The following MRPS9 variants were observed in gnomAD, a reference collection of about 807,000 sequenced individuals.
MRPS9 encodes the protein small ribosomal subunit protein uS9m.
MRPS9 carries 45 observed loss-of-function variants against 59.9 expected under a neutral mutation model. That is an observed-to-expected ratio of 0.75 (90% CI 0.59 to 0.96). The LOEUF (loss-of-function observed/expected upper bound fraction) is 0.96, where lower values mean the gene tolerates loss of function less well. MRPS9 is among the 40% of genes least tolerant of loss of function. The pLI is 0.00. For synonymous variants in MRPS9, 171 were observed against 166.8 expected (o/e 1.03, Z -0.19); for missense variants, 473 against 481.1 (o/e 0.98, Z 0.16).
intron 2 of MRPS9, among the ~76,000 whole-genome samples, chr2:105,066,058 C>T (rs1452547218): frequency 6.6e-6 from 1 of 152,184 alleles, no homozygotes; most frequent in East Asian, 1.9e-4. Context: ...AAACAGATGG[C>T]AGACAGCGTG....
At chr2:105,091,016 T>C (rs1385407017) in intron 7 of MRPS9, among the ~76,000 whole-genome samples, 1 of 152,192 alleles carries the variant, frequency 6.6e-6, no homozygotes, top group Non-Finnish European at 1.5e-5. Flanking sequence ...AACTGAAAAA[T>C]CTCTTTGCTT....
In MRPS9 at chr2:105,089,944, G is replaced by A. The variant is rs1432499245; in HGVS notation, c.600G>A (p.Leu200=). 7.5e-6 allele frequency: 12 copies of A among 1,610,120 alleles called. No individual in the cohort carries two copies. Among genetic ancestry groups the A allele is most frequent in the Non-Finnish European group, 1.0e-5 (12 of 1,177,438 alleles). ...GAGACGTGATTGGCAGCAGATGGCT[G>A]ATTAAGGAGGAACTAGAAGAAATGT... The part of the protein sequence containing the change: ...VTRDVIGSRW[L]IKEELEEMLV... The change falls in exon 7 of 11, where the codon CTG becomes CTA. Residue 200 remains leucine (L), a synonymous_variant. Transcript: ENST00000258455.
chr2:105,089,784 G>A (rs1234954115), intron 6 of MRPS9, 136 bp from the exon 7 acceptor site: 7 of 516,928 alleles, frequency 1.4e-5, no homozygotes, highest in Middle Eastern at 1.0e-3. Context: ...AAATAGCTTA[G>A]TTGGGTAAAA....
intron 10 of MRPS9, 50 bp downstream of exon 10, chr2:105,097,374 G>GTA: frequency 7.0e-7 from 1 of 1,425,078 alleles, no homozygotes. Flanking sequence ...GGCTATACAT[G>GTA]TTCATCTGCT....
chr2:105,060,530 C>T (rs1679881225), intron 2 of MRPS9, among the ~76,000 whole-genome samples: 2 of 152,138 alleles, frequency 1.3e-5, no homozygotes, highest in Non-Finnish European at 2.9e-5. Flanking sequence ...ATCTGCCCAC[C>T]TTGGCCTCCC....
At chr2:105,041,178 T>C (rs1212065406) in intron 1 of MRPS9, among the ~76,000 whole-genome samples, 1 of 152,204 alleles carries the variant, frequency 6.6e-6, no homozygotes, top group Non-Finnish European at 1.5e-5. Flanking sequence ...TTTCCTTCCA[T>C]GCTGTACTAC....
At chr2:105,071,586 T>C in intron 4 of MRPS9, 97 bp downstream of exon 4, 1 of 1,185,468 alleles carries the variant, frequency 8.4e-7, no homozygotes. Context: ...TAGGGTGGCC[T>C]TCCTGTGTCA....
rs138912744 is a variant in MRPS9 at position 105,057,483 on chromosome 2, A to G, written c.315+8133A>G. ...GAGTCTTGTTGTTTAGTGTAAAGAA[A>G]ATTTGGTGTGTATGGAAACTGAAGA... On this transcript the variant is annotated intron_variant, in intron 2 of 10. Coordinates refer to ENST00000258455, the MANE Select transcript of MRPS9 (RefSeq NM_182640.3). Among the ~76,000 whole-genome samples, 4 of 152,268 alleles carry G rather than the reference A, an allele frequency of 2.6e-5. No individual in the cohort carries two copies. In the East Asian group the frequency reaches 7.7e-4, roughly 29 times the overall value.
intron 5 of MRPS9, among the ~76,000 whole-genome samples, chr2:105,084,019 A>G (rs1241290743): frequency 3.3e-5 from 5 of 152,096 alleles, no homozygotes; most frequent in African/African-American, 1.2e-4. Context: ...TTTACGACTG[A>G]TATCAGCCCC....
At chr2:105,084,037 T>A (rs1176589076) in intron 5 of MRPS9, among the ~76,000 whole-genome samples, 3 of 152,100 alleles carry the variant, frequency 2.0e-5, no homozygotes, top group African/African-American at 7.2e-5. Flanking sequence ...CCCAATACCC[T>A]AAGCATTTAT....
chr2:105,090,142 A>C, intron 7 of MRPS9, 147 bp downstream of exon 7: 1 of 484,598 alleles, frequency 2.1e-6, no homozygotes. Context: ...AAAACAAAAC[A>C]AAACAAAAAA....
Position 105,097,194 on chromosome 2 carries a change from G to A in MRPS9, c.969G>A (p.Leu323=), listed in dbSNP as rs200534814. Reference sequence around the variant, plus strand: ...TCCCTTTCCACTTTGTTGACCGGCTGGGAAAGCACGACGTGACCTGCACAG... The same window carrying A: ...TCCCTTTCCACTTTGTTGACCGGCTAGGAAAGCACGACGTGACCTGCACAG... ...LMFPFHFVDR[L]GKHDVTCTVS... is the part of the protein sequence containing the mutation. Residue 323 remains leucine, a synonymous_variant, in exon 10 of 11, where the codon CTG becomes CTA. Coordinates refer to ENST00000258455, the MANE Select transcript of MRPS9 (RefSeq NM_182640.3). 1.7e-4 allele frequency: 269 copies of A among 1,601,128 alleles called. No individual in the cohort carries two copies. The highest frequency in any genetic ancestry group is 1.9e-4 in the Non-Finnish European group (224 of 1,174,348).
intron 5 of MRPS9, among the ~76,000 whole-genome samples, chr2:105,087,321 G>A (rs542103763): frequency 6.6e-6 from 1 of 152,234 alleles, no homozygotes; most frequent in East Asian, 1.9e-4. Context: ...ATGAATACTA[G>A]GATGAAATTA....
chr2:105,057,774 T>G (rs1284467958), intron 2 of MRPS9, among the ~76,000 whole-genome samples: 1 of 152,216 alleles, frequency 6.6e-6, no homozygotes, highest in African/African-American at 2.4e-5. Context: ...CCACTGATAT[T>G]TGCATTTTCC....
intron 9 of MRPS9, among the ~76,000 whole-genome samples, chr2:105,095,730 C>T (rs927720692): frequency 6.6e-6 from 1 of 152,042 alleles, no homozygotes; most frequent in African/African-American, 2.4e-5. Context: ...CTCCCGACCT[C>T]AGGTGATCTG....
intron 9 of MRPS9, among the ~76,000 whole-genome samples, chr2:105,094,252 T>C (rs1573450289): frequency 6.6e-6 from 1 of 152,208 alleles, no homozygotes; most frequent in African/African-American, 2.4e-5. Flanking sequence ...GTGCTAAATA[T>C]GGCAGTTTTA....
chr2:105,040,065 C>T (rs1404873278), intron 1 of MRPS9, among the ~76,000 whole-genome samples: 1 of 152,210 alleles, frequency 6.6e-6, no homozygotes, highest in Non-Finnish European at 1.5e-5. Context: ...ATATATTTTA[C>T]CACATTAAGT....
chr2:105,041,550 A>G (rs1253679082), intron 1 of MRPS9, among the ~76,000 whole-genome samples: 3 of 149,396 alleles, frequency 2.0e-5, no homozygotes, highest in Non-Finnish European at 3.0e-5. Flanking sequence ...TTAATCTCTC[A>G]TGCTTCTGGA....
intron 7 of MRPS9, chr2:105,091,456 C>G (rs563866223): frequency 1.2e-4 from 53 of 460,498 alleles, no homozygotes; most frequent in South Asian, 7.9e-4. Flanking sequence ...TTCACCCTTA[C>G]TAGAAGAGTG....
Sources: gnomAD v4.1 joint callset for allele counts (sites outside exome capture counted in the v4.1 genomes callset) on GRCh38, gnomAD v4.1.1 for gene constraint, MANE v1.5 for transcripts, NCBI Gene and HGNC (gene_info 2026-07-23, HGNC 2026-07-21) for gene names.